Variants in GABRR2 observed in about 807,000 individuals in gnomAD.
The protein encoded by GABRR2 is gamma-aminobutyric acid type A receptor subunit rho2.
Under a neutral mutation model 47.0 loss-of-function variants are expected in GABRR2, and 36 were observed. The observed-to-expected ratio is 0.77, with a 90% CI of 0.59 to 1.01. The LOEUF (loss-of-function observed/expected upper bound fraction) is 1.01. Ranked by LOEUF, GABRR2 falls within the 50% of genes least tolerant of loss-of-function variation. GABRR2 has a pLI of 0.00. For missense variants in GABRR2, 587 were observed against 594.6 expected (o/e 0.99, Z 0.13); for synonymous variants, 204 against 227.5 (o/e 0.90, Z 0.93).
chr6:89,278,107 T>C (rs1159715890), intron 2 of GABRR2, among the ~76,000 whole-genome samples: 1 of 152,250 alleles, frequency 6.6e-6, no homozygotes, highest in Non-Finnish European at 1.5e-5. Context: ...TACAATGGAA[T>C]TTCATAGTTA....
chr6:89,271,561 C>G, intron 3 of GABRR2, 94 bp downstream of exon 3: 1 of 1,125,304 alleles, frequency 8.9e-7, no homozygotes, highest in South Asian at 1.3e-5. Context: ...TTATCACCTC[C>G]AGCTCCCGCT....
intron 1 of GABRR2, among the ~76,000 whole-genome samples, chr6:89,306,843 A>G (rs1767567920): frequency 6.9e-6 from 1 of 144,936 alleles, no homozygotes; most frequent in African/African-American, 2.9e-5. Flanking sequence ...AGATGGAAAG[A>G]AGGAAAAAGG....
At chr6:89,284,768 C>T (rs1301497936) in intron 2 of GABRR2, among the ~76,000 whole-genome samples, 1 of 152,148 alleles carries the variant, frequency 6.6e-6, no homozygotes, top group Non-Finnish European at 1.5e-5. Flanking sequence ...TAAGATAATA[C>T]ATCTGTGTTG....
intron 2 of GABRR2, among the ~76,000 whole-genome samples, chr6:89,294,006 C>T (rs1329921830): frequency 6.6e-6 from 1 of 152,124 alleles, no homozygotes; most frequent in Non-Finnish European, 1.5e-5. Context: ...GGTCACCCAA[C>T]GGGTATCTAG....
At chr6:89,267,981 G>A in intron 5 of GABRR2, 33 bp downstream of exon 5, 1 of 1,597,636 alleles carries the variant, frequency 6.3e-7, no homozygotes, top group Non-Finnish European at 8.6e-7. Context: ...AGAGAGGAAA[G>A]AAAGTGAAGG....
chr6:89,266,239 CTTA>C (rs1428918377), intron 6 of GABRR2, among the ~76,000 whole-genome samples: 1 of 151,836 alleles, frequency 6.6e-6, no homozygotes, highest in African/African-American at 2.4e-5. Context: ...AATTTTTTTT[CTTA>C]TTATTATTTT....
intron 2 of GABRR2, among the ~76,000 whole-genome samples, chr6:89,279,019 C>T (rs1315800397): frequency 3.3e-5 from 5 of 152,172 alleles, no homozygotes; most frequent in Non-Finnish European, 5.9e-5. Context: ...CTGTGGCTCA[C>T]AGTATGGGCC....
intron 2 of GABRR2, among the ~76,000 whole-genome samples, chr6:89,296,158 T>C (rs1437554270): frequency 6.6e-6 from 1 of 152,234 alleles, no homozygotes; most frequent in Non-Finnish European, 1.5e-5. Flanking sequence ...GACCTGCCCA[T>C]GAGGTGCTGA....
intron 1 of GABRR2, chr6:89,303,197 G>C (rs914488024): frequency 2.6e-6 from 1 of 383,150 alleles, no homozygotes; most frequent in African/African-American, 2.1e-5. Context: ...TCTTGCTGTC[G>C]ACACTGTCCC....
In GABRR2 at chr6:89,315,091, C is replaced by A. The variant is rs1407968381; in HGVS notation, c.75G>T (p.Arg25Ser). 2 of 1,613,952 alleles carry A rather than the reference C, an allele frequency of 1.2e-6. No individual in the cohort carries two copies. Among genetic ancestry groups the A allele is most frequent in the East Asian group, 4.5e-5 (2 of 44,874 alleles). ...MVLVESRKPK[R>S]KRWTGQVEMP... ...TTTCCACCTGCCCTGTCCATCGCTT[C>A]CTCTTGGGTTTTCTGCTCTCCACGA... The change falls in exon 1 of 9, where the codon AGG becomes AGT. Residue 25 changes from arginine (R) to serine (S), a missense_variant. Coordinates refer to ENST00000402938, the MANE Select transcript of GABRR2 (RefSeq NM_002043.5).
chr6:89,302,414 C>T, intron 1 of GABRR2: 1 of 567,556 alleles, frequency 1.8e-6, no homozygotes, highest in Non-Finnish European at 3.5e-6. Flanking sequence ...TGCGTCAGCA[C>T]CCTCAGGCTG....
At chr6:89,275,274 A>G (rs1348873567) in intron 2 of GABRR2, among the ~76,000 whole-genome samples, 1 of 152,166 alleles carries the variant, frequency 6.6e-6, no homozygotes, top group Non-Finnish European at 1.5e-5. Flanking sequence ...AGAAAAATTT[A>G]CTTTTTTTTC....
At chr6:89,299,594 T>C (rs560493510) in intron 2 of GABRR2, among the ~76,000 whole-genome samples, 165 bp downstream of exon 2, 1 of 152,198 alleles carries the variant, frequency 6.6e-6, no homozygotes, top group African/African-American at 2.4e-5. Flanking sequence ...CTTCCTGCTC[T>C]TTTCTCCTTG....
chr6:89,294,713 C>T (rs1382955560), intron 2 of GABRR2, among the ~76,000 whole-genome samples: 2 of 151,368 alleles, frequency 1.3e-5, no homozygotes, highest in Non-Finnish European at 2.9e-5. Flanking sequence ...CATATGTATA[C>T]ATGTGCCATG....
intron 2 of GABRR2, among the ~76,000 whole-genome samples, chr6:89,275,580 T>G (rs749910218): frequency 6.6e-6 from 1 of 152,122 alleles, no homozygotes; most frequent in East Asian, 1.9e-4. Flanking sequence ...GAAGAAAAAC[T>G]TACTTTTGGA....
intron 1 of GABRR2, chr6:89,302,690 C>G: frequency 1.5e-6 from 2 of 1,319,328 alleles, no homozygotes; most frequent in South Asian, 1.2e-5. Flanking sequence ...ACCACGGCTG[C>G]TACCTGGCAG....
intron 2 of GABRR2, among the ~76,000 whole-genome samples, chr6:89,280,247 T>TATATATATATATATATATATATAC (rs1271132149): frequency 2.0e-5 from 2 of 101,324 alleles, no homozygotes; most frequent in Admixed American, 1.1e-4. Context: ...TATATATATA[T>TATATATATATATATATATATATAC]ATATATACAT....
intron 1 of GABRR2, among the ~76,000 whole-genome samples, chr6:89,307,626 C>T (rs1332849145): frequency 6.6e-6 from 1 of 152,142 alleles, no homozygotes; most frequent in Non-Finnish European, 1.5e-5. Context: ...TTGGTGCTGA[C>T]AACTTAGTAG....
intron 6 of GABRR2, among the ~76,000 whole-genome samples, chr6:89,267,057 T>C (rs1773914813): frequency 6.8e-6 from 1 of 146,898 alleles, no homozygotes; most frequent in East Asian, 2.0e-4. Flanking sequence ...TGGAGTGCAG[T>C]GGCGCAATCT....
Sources: allele counts gnomAD v4.1 joint callset (sites outside exome capture counted in the v4.1 genomes callset), GRCh38; gene constraint gnomAD v4.1.1; transcripts MANE v1.5; gene names NCBI Gene and HGNC (gene_info 2026-07-23, HGNC 2026-07-21).